Variants in DMAP1 observed in about 807,000 individuals in gnomAD.
DMAP1 encodes the protein DNA methyltransferase 1-associated protein 1.
Under a neutral mutation model 52.7 loss-of-function variants are expected in DMAP1, and 26 were observed. The observed-to-expected ratio is 0.49, with a 90% CI of 0.36 to 0.68. DMAP1 has a LOEUF of 0.68. Among genes scored for constraint, DMAP1 ranks in the 30% least tolerant of loss-of-function variants. The pLI is 0.00. For missense variants in DMAP1, 439 were observed against 625.2 expected (o/e 0.70, Z 3.18); for synonymous variants, 231 against 246.0 (o/e 0.94, Z 0.57).
Position 44,214,335 on chromosome 1 carries a change from G to T in DMAP1, c.106-15G>T. On this transcript the variant is annotated splice_polypyrimidine_tract_variant and intron_variant, in intron 1 of 9. Transcript: ENST00000372289. ...GGTCTAGGTTGTGGTTCCTTTCTGT[G>T]GTTTCCTTCCTCAGAAAAAATCCAA... The T allele has an allele frequency of 6.2e-7, 1 of 1,612,572 alleles. No individual in the cohort carries two copies. Among genetic ancestry groups the T allele is most frequent in the South Asian group, 1.1e-5 (1 of 90,994 alleles).
intron 3 of DMAP1, 23 bp downstream of exon 3, chr1:44,214,921 C>T (rs984302828): frequency 1.2e-6 from 2 of 1,613,758 alleles, no homozygotes; most frequent in Non-Finnish European, 1.7e-6. Context: ...CATTCGGACA[C>T]AGGCCAAGAT....
At chr1:44,216,318 C>T (rs1195827579) in intron 3 of DMAP1, 2 of 151,986 alleles carry the variant, frequency 1.3e-5, no homozygotes, top group African/African-American at 4.8e-5. Flanking sequence ...CATCCTCCAC[C>T]TCTAGGGCTC....
Position 44,218,389 on chromosome 1 carries a change from G to A in DMAP1, c.472G>A (p.Asp158Asn). The change falls in exon 4 of 10, where the codon GAC becomes AAC. Residue 158 changes from aspartate (D) to asparagine (N), a missense_variant. Physicochemically the swap from Asp to Asn is conservative, Grantham distance 23 (BLOSUM62 1). This residue lies in a region of DMAP1 where 142 missense variants were observed against 149.5 expected (regional missense o/e 0.95). Coordinates refer to ENST00000372289, the MANE Select transcript of DMAP1 (RefSeq NM_019100.5). This position sits in a 1 kb window ranked among gnomAD's most constrained non-coding sequence, Gnocchi z 5.6. Reference protein sequence around the residue: ...HDDAWTKAETDHLFDLSRRFD... With the variant: ...HDDAWTKAETNHLFDLSRRFD... Reference sequence around the variant, plus strand: ...TGATGCTTGGACTAAGGCAGAAACTGACCACCTCTTTGACCTCAGCCGCCG... The same window carrying A: ...TGATGCTTGGACTAAGGCAGAAACTAACCACCTCTTTGACCTCAGCCGCCG... The A allele has an allele frequency of 1.2e-6, 2 of 1,614,210 alleles. No individual in the cohort carries two copies. Among genetic ancestry groups the A allele is most frequent in the Non-Finnish European group, 1.7e-6 (2 of 1,180,036 alleles).
Position 44,220,521 on chromosome 1 carries a change from G to A in DMAP1, c.1345-38G>A, listed in dbSNP as rs201808988. On this transcript the variant is annotated intron_variant, in intron 9 of 9. Transcript: ENST00000372289. ...TGCACTAAGCCTGACTCAGGCCTTGGGGGGTCACTGACCTCAATGCCTTCT... is the reference window on the plus strand; with the variant it reads ...TGCACTAAGCCTGACTCAGGCCTTGAGGGGTCACTGACCTCAATGCCTTCT... 3.0e-3 allele frequency: 4,885 copies of A among 1,614,180 alleles called. 8 individuals carry two copies. Among genetic ancestry groups the A allele is most frequent in the Non-Finnish European group, 3.7e-3 (4,309 of 1,179,994 alleles).
Position 44,213,747 on chromosome 1 carries a change from A to C in DMAP1, c.-7A>C. The C allele has an allele frequency of 6.4e-7, 1 of 1,570,580 alleles. No individual in the cohort carries two copies. Among genetic ancestry groups the C allele is most frequent in the Non-Finnish European group, 8.6e-7 (1 of 1,158,264 alleles). ...ACCTCCGGTGGCTCCCCCATCTCTC[A>C]GGCGCGATGGCTACGGGCGCGGATG... is the stretch of plus-strand genomic sequence containing the variant. On this transcript the variant is annotated 5_prime_UTR_variant, in exon 1 of 10. Coordinates refer to ENST00000372289, the MANE Select transcript of DMAP1 (RefSeq NM_019100.5). The surrounding 1 kb of genome is among the most constrained non-coding windows in gnomAD (Gnocchi z 4.5).
At chr1:44,214,571 A>G (rs750135201) in intron 2 of DMAP1, 130 bp downstream of exon 2, 4 of 1,612,452 alleles carry the variant, frequency 2.5e-6, no homozygotes, top group Non-Finnish European at 3.4e-6. Context: ...AGGATGCAGG[A>G]GGACCTGAAG....
chr1:44,219,374 C>T (rs1226678285), intron 6 of DMAP1, 32 bp from the exon 7 acceptor site: 6 of 1,552,644 alleles, frequency 3.9e-6, no homozygotes, highest in South Asian at 3.8e-5. Flanking sequence ...CTCCCTGTGA[C>T]ACCTTGGTCT....
rs1164384121 is a variant in DMAP1 at position 44,213,551 on chromosome 1, T to A, written c.-203T>A. On this transcript the variant is annotated 5_prime_UTR_variant, in exon 1 of 10. Coordinates refer to ENST00000372289, the MANE Select transcript of DMAP1 (RefSeq NM_019100.5). The surrounding 1 kb of genome is among the most constrained non-coding windows in gnomAD (Gnocchi z 4.5). ...AGGTGCGGAAGTGCGAGGGCCCAGG[T>A]GGCTGAAGGGGCCGTTAGGAACATC... 1.9e-6 allele frequency: 1 copy of A among 523,284 alleles called. No homozygotes were observed. The highest frequency in any genetic ancestry group is 3.3e-5 in the East Asian group (1 of 30,278). 32.4% of individuals were successfully genotyped at this position (523,284 alleles called of 1,614,324 possible). A position where few individuals can be genotyped will look rare whatever the true frequency, so the allele number is the denominator to read the frequency against.
chr1:44,215,551 A>G (rs1331764526), intron 3 of DMAP1: 4 of 332,632 alleles, frequency 1.2e-5, no homozygotes, highest in African/African-American at 2.1e-5. Flanking sequence ...AGTCTTTCAA[A>G]TAAGAGCCGT....
In DMAP1 at chr1:44,214,693, T is replaced by C; in HGVS notation, c.198-10T>C. 1 of 1,610,650 alleles carries C rather than the reference T, an allele frequency of 6.2e-7. No individual in the cohort carries two copies. Among genetic ancestry groups the C allele is most frequent in the Non-Finnish European group, 8.5e-7 (1 of 1,177,344 alleles). On this transcript the variant is annotated splice_polypyrimidine_tract_variant and intron_variant, in intron 2 of 9. Coordinates refer to ENST00000372289, the MANE Select transcript of DMAP1 (RefSeq NM_019100.5). Reference sequence around the variant, plus strand: ...TTCTAACCTCGCATCTCCCTAAACCTCCCTGCCAGGGATGCACCCCCACTG... The same window carrying C: ...TTCTAACCTCGCATCTCCCTAAACCCCCCTGCCAGGGATGCACCCCCACTG...
chr1:44,218,163 C>A lies in DMAP1; in HGVS notation c.394-148C>A. 1 of 1,053,278 alleles carries A rather than the reference C, an allele frequency of 9.5e-7. No individual in the cohort carries two copies. The highest frequency in any genetic ancestry group is 1.5e-6 in the Non-Finnish European group (1 of 676,948). 65.2% of individuals were successfully genotyped at this position (1,053,278 alleles called of 1,614,324 possible). The stretch of plus-strand genomic sequence containing the variant: ...AACCCTGCTAGGACCTCTAGTCAAG[C>A]AGACAAGTTCTTTCCTCACTCCATG... On this transcript the variant is annotated intron_variant, in intron 3 of 9. Transcript: ENST00000372289. This position sits in a 1 kb window ranked among gnomAD's most constrained non-coding sequence, Gnocchi z 5.6.
chr1:44,220,672 G>A lies in DMAP1; in HGVS notation c.*54G>A. Reference sequence around the variant, plus strand: ...TTATGTAAATAGAGCTGCTGAGTTGGACCAGGCTGCTTCCTTTTCCTTTCC... The same window carrying A: ...TTATGTAAATAGAGCTGCTGAGTTGAACCAGGCTGCTTCCTTTTCCTTTCC... On this transcript the variant is annotated 3_prime_UTR_variant, in exon 10 of 10. Transcript: ENST00000372289. The A allele has an allele frequency of 6.2e-7, 1 of 1,606,234 alleles. No homozygotes were observed. The highest frequency in any genetic ancestry group is 1.3e-5 in the African/African-American group (1 of 74,874).
intron 6 of DMAP1, 43 bp downstream of exon 6, chr1:44,219,284 C>T: frequency 6.3e-7 from 1 of 1,595,380 alleles, no homozygotes; most frequent in Non-Finnish European, 8.5e-7. Flanking sequence ...GAAGGGTCAC[C>T]TGGCACAAGG....
chr1:44,219,024 C>T, intron 5 of DMAP1, 32 bp from the exon 6 acceptor site: 1 of 1,611,236 alleles, frequency 6.2e-7, no homozygotes, highest in South Asian at 1.1e-5. Context: ...CTAGAAGTGC[C>T]CTCACACACT....
In DMAP1 at chr1:44,218,617, G is replaced by GTAC. The variant is rs1359967710; in HGVS notation, c.586_588dup (p.Tyr196dup). ...GTTCTGTGGAAGACCTGAAGGAGCG[G>GTAC]TACTACCACATCTGTGCTAAGCTTG... On this transcript the variant is annotated inframe_insertion, in exon 5 of 10. Transcript: ENST00000372289. This position sits in a 1 kb window ranked among gnomAD's most constrained non-coding sequence, Gnocchi z 5.6. The GTAC allele has an allele frequency of 6.2e-7, 1 of 1,612,792 alleles. No individual in the cohort carries two copies. Among genetic ancestry groups the GTAC allele is most frequent in the Non-Finnish European group, 8.5e-7 (1 of 1,179,032 alleles).
At chr1:44,219,595 G>A in intron 7 of DMAP1, 118 bp downstream of exon 7, 2 of 1,224,064 alleles carry the variant, frequency 1.6e-6, no homozygotes, top group South Asian at 1.5e-5. Context: ...TGCAGACAGA[G>A]GTGGCCTTGG....
chr1:44,219,774 G>A, intron 7 of DMAP1, 32 bp from the exon 8 acceptor site: 1 of 1,612,534 alleles, frequency 6.2e-7, no homozygotes, highest in Non-Finnish European at 8.5e-7. Flanking sequence ...CTTGTGGCTG[G>A]GACAGGCTTA....
In DMAP1 at chr1:44,218,144, G is replaced by T. The variant is rs1643831453; in HGVS notation, c.394-167G>T. ...GAGGCAGGCTACAGTCCCAAACCCT[G>T]CTAGGACCTCTAGTCAAGCAGACAA... On this transcript the variant is annotated intron_variant, in intron 3 of 9. Coordinates refer to ENST00000372289, the MANE Select transcript of DMAP1 (RefSeq NM_019100.5). This position sits in a 1 kb window ranked among gnomAD's most constrained non-coding sequence, Gnocchi z 5.6. 1 of 890,588 alleles carries T rather than the reference G, an allele frequency of 1.1e-6. No homozygotes were observed. Among genetic ancestry groups the T allele is most frequent in the African/African-American group, 1.6e-5 (1 of 61,150 alleles). 55.2% of individuals were successfully genotyped at this position (890,588 alleles called of 1,614,324 possible).
chr1:44,213,774 A>G lies in DMAP1; in HGVS notation c.21A>G (p.Val7=). ...GCGCGATGGCTACGGGCGCGGATGT[A>G]CGGGACATTCTAGAACTCGGGGGTC... The part of the protein sequence containing the change: MATGAD[V]RDILELGGPE... The change falls in exon 1 of 10, where the codon GTA becomes GTG. Residue 7 remains valine (V), a synonymous_variant. Coordinates refer to ENST00000372289, the MANE Select transcript of DMAP1 (RefSeq NM_019100.5). This position sits in a 1 kb window ranked among gnomAD's most constrained non-coding sequence, Gnocchi z 4.5. 6.3e-7 allele frequency: 1 copy of G among 1,587,768 alleles called. No individual in the cohort carries two copies. The highest frequency in any genetic ancestry group is 8.6e-7 in the Non-Finnish European group (1 of 1,167,592).
Sources: allele counts gnomAD v4.1 joint callset, GRCh38; gene constraint gnomAD v4.1.1; regional missense constraint gnomAD v4.1.1; non-coding constraint Gnocchi (gnomAD v3.1); transcripts MANE v1.5; gene names NCBI Gene and HGNC (gene_info 2026-07-23, HGNC 2026-07-21).